The following SNAPC3 variants were observed in gnomAD, a reference collection of about 807,000 sequenced individuals.
The protein encoded by SNAPC3 is small nuclear RNA activating complex polypeptide 3, also known as snRNA-activating protein complex subunit 3.
Under a neutral mutation model 47.7 loss-of-function variants are expected in SNAPC3, and 56 were observed. The observed-to-expected ratio is 1.18, with a 90% CI of 0.95 to 1.47. The LOEUF (loss-of-function observed/expected upper bound fraction) is 1.47, where lower values mean the gene tolerates loss of function less well. Among genes scored for constraint, SNAPC3 ranks in the 40% most tolerant of loss-of-function variants. SNAPC3 has a pLI of 0.00. For missense variants in SNAPC3, 665 were observed against 511.3 expected (o/e 1.30, Z -2.90); for synonymous variants, 235 against 189.9 (o/e 1.24, Z -1.95).
At chr9:15,450,610 T>G (rs1197908335) in intron 5 of SNAPC3, among the ~76,000 whole-genome samples, 1 of 152,236 alleles carries the variant, frequency 6.6e-6, no homozygotes, top group Non-Finnish European at 1.5e-5. Context: ...GGAGTCTAAA[T>G]AGAAGGTGAA....
chr9:15,437,754 T>C (rs559890242), intron 3 of SNAPC3, among the ~76,000 whole-genome samples: 1 of 152,278 alleles, frequency 6.6e-6, no homozygotes, highest in South Asian at 2.1e-4. Context: ...ATAAAAATTG[T>C]AATCATAAAA....
At chr9:15,433,958 C>A in intron 3 of SNAPC3, 1 of 189,738 alleles carries the variant, frequency 5.3e-6, no homozygotes, top group South Asian at 1.5e-4. Context: ...TAACCACATT[C>A]TCAATCCTCA....
downstream of SNAPC3, chr9:15,466,722 A>G (rs777246874): frequency 6.5e-7 from 1 of 1,546,048 alleles, no homozygotes; most frequent in Non-Finnish European, 8.9e-7. Flanking sequence ...AAAAACACAC[A>G]AGACCCATTA....
intron 3 of SNAPC3, 117 bp downstream of exon 3, chr9:15,433,753 A>G: frequency 1.7e-6 from 1 of 573,516 alleles, no homozygotes; most frequent in Non-Finnish European, 3.0e-6. Context: ...GTTGAAAACA[A>G]ACTAGAGAAA....
intron 2 of SNAPC3, among the ~76,000 whole-genome samples, chr9:15,431,408 C>T (rs2032131005): frequency 6.6e-6 from 1 of 152,202 alleles, no homozygotes; most frequent in Admixed American, 6.5e-5. Flanking sequence ...TTACTGCTTC[C>T]TTGCCAATCC....
chr9:15,460,058 A>G lies in SNAPC3; in HGVS notation c.*192A>G, dbSNP rs1323544451. 1 of 423,136 alleles carries G rather than the reference A, an allele frequency of 2.4e-6. No individual in the cohort carries two copies. The highest frequency in any genetic ancestry group is 4.1e-6 in the Non-Finnish European group (1 of 242,780). 26.2% of individuals were successfully genotyped at this position (423,136 alleles called of 1,614,324 possible). A position where few individuals can be genotyped will look rare whatever the true frequency, so the allele number is the denominator to read the frequency against. On this transcript the variant is annotated 3_prime_UTR_variant, in exon 9 of 9. Transcript: ENST00000380821. ...AATGTTTATAACATAGTTTAATTTT[A>G]TATTTATTCCAGATAGTATTTAATT...
chr9:15,426,772 T>C (rs1264674364), intron 2 of SNAPC3, among the ~76,000 whole-genome samples: 2 of 152,242 alleles, frequency 1.3e-5, no homozygotes. Flanking sequence ...ATCTCTTTGG[T>C]TTCTTCTAGT....
intron 5 of SNAPC3, among the ~76,000 whole-genome samples, chr9:15,450,382 A>G (rs528142611): frequency 1.5e-4 from 23 of 152,206 alleles, no homozygotes; most frequent in Non-Finnish European, 2.9e-4. Context: ...AAAAATTAAA[A>G]TATTACGGTA....
At chr9:15,436,954 G>C (rs1425519946) in intron 3 of SNAPC3, among the ~76,000 whole-genome samples, 2 of 151,404 alleles carry the variant, frequency 1.3e-5, no homozygotes, top group African/African-American at 4.9e-5. Flanking sequence ...CTCCTGAGTG[G>C]CTGGGATTAC....
At chr9:15,453,394 A>G (rs965938855) in intron 7 of SNAPC3, 189 bp downstream of exon 7, 29 of 478,812 alleles carry the variant, frequency 6.1e-5, no homozygotes, top group East Asian at 5.6e-4. Flanking sequence ...TGCATCCTCT[A>G]TTGTTCATTA....
At chr9:15,433,495 A>G in intron 2 of SNAPC3, 57 bp from the exon 3 acceptor site, 2 of 1,050,226 alleles carry the variant, frequency 1.9e-6, no homozygotes, top group Non-Finnish European at 2.9e-6. Flanking sequence ...ATGTTTTTGA[A>G]GCCCGAATAA....
intron 1 of SNAPC3, 30 bp from the exon 2 acceptor site, chr9:15,423,879 T>A: frequency 1.4e-6 from 2 of 1,408,826 alleles, no homozygotes; most frequent in Non-Finnish European, 1.9e-6. Context: ...AGAGTCGACC[T>A]TAAAGTATTG....
intron 2 of SNAPC3, among the ~76,000 whole-genome samples, chr9:15,429,891 G>A (rs947581223): frequency 1.3e-5 from 2 of 152,072 alleles, no homozygotes; most frequent in African/African-American, 4.8e-5. Flanking sequence ...AAAATAAAGG[G>A]TTAGACCAAA....
At chr9:15,445,729 A>G (rs567043574) in intron 4 of SNAPC3, among the ~76,000 whole-genome samples, 9 of 152,252 alleles carry the variant, frequency 5.9e-5, no homozygotes, top group African/African-American at 2.2e-4. Flanking sequence ...TGGGCTGATC[A>G]CTTGAGCTCA....
chr9:15,440,253 G>A (rs565300759), intron 3 of SNAPC3, among the ~76,000 whole-genome samples: 1 of 152,284 alleles, frequency 6.6e-6, no homozygotes, highest in South Asian at 2.1e-4. Context: ...ATTTACCTGT[G>A]TTGTTCCCTT....
chr9:15,442,583 G>A (rs1372766963), intron 3 of SNAPC3, among the ~76,000 whole-genome samples: 3 of 150,182 alleles, frequency 2.0e-5, no homozygotes, highest in African/African-American at 7.3e-5. Flanking sequence ...GGGCGGCGGG[G>A]CAGAGGCGTT....
downstream of SNAPC3, chr9:15,463,895 A>G (rs1404811410): frequency 6.5e-6 from 1 of 152,760 alleles, no homozygotes; most frequent in East Asian, 1.8e-4. Flanking sequence ...TGAACAAAAG[A>G]TAAATATTAC....
At chr9:15,424,007 A>G in intron 2 of SNAPC3, 21 bp downstream of exon 2, 1 of 1,383,412 alleles carries the variant, frequency 7.2e-7, no homozygotes, top group Non-Finnish European at 9.9e-7. Context: ...CTTGGTTTTT[A>G]TGACCTATTT....
intron 2 of SNAPC3, chr9:15,431,936 A>C (rs990945232): frequency 8.0e-6 from 1 of 125,536 alleles, no homozygotes; most frequent in Non-Finnish European, 1.6e-5. Context: ...CATATCATCC[A>C]TGCACAGGGG....
Sources: gnomAD v4.1 joint callset for allele counts (sites outside exome capture counted in the v4.1 genomes callset) on GRCh38, gnomAD v4.1.1 for gene constraint, MANE v1.5 for transcripts, NCBI Gene and HGNC (gene_info 2026-07-23, HGNC 2026-07-21) for gene names.